TENM1: variants seen among roughly 807,000 people sequenced by gnomAD.
TENM1 encodes the protein teneurin transmembrane protein 1.
A neutral mutation model predicts 174.8 loss-of-function variants in TENM1; 35 were observed. The ratio of observed to expected loss-of-function variants is 0.20; its 90% confidence interval spans 0.15 to 0.27. The LOEUF (loss-of-function observed/expected upper bound fraction) is 0.27, where lower values mean the gene tolerates loss of function less well. Among genes scored for constraint, TENM1 ranks in the 10% least tolerant of loss-of-function variants. The pLI is 1.00. For synonymous variants in TENM1, 781 were observed against 798.7 expected (o/e 0.98, Z 0.37); for missense variants, 1,633 against 2,130.1 (o/e 0.77, Z 4.59).
chrX:124,913,288 C>G (rs184519980), intron 1 of TENM1, among the ~76,000 whole-genome samples: 82 of 111,687 alleles, frequency 7.3e-4, no homozygotes, highest in Non-Finnish European at 1.4e-3. Flanking sequence ...TATCCTAGTT[C>G]TCCTAGTAAG....
chrX:124,540,545 A>C (rs141543930), intron 15 of TENM1, among the ~76,000 whole-genome samples: 1,507 of 111,655 alleles, frequency 0.013, 24 homozygotes, highest in African/African-American at 0.047. Context: ...TGGGTCAATA[A>C]TTTGTTTTGC....
chrX:124,676,619 C>T (rs1385671463), intron 5 of TENM1, among the ~76,000 whole-genome samples: 1 of 107,747 alleles, frequency 9.3e-6, no homozygotes, highest in Admixed American at 1.0e-4. Flanking sequence ...TCTTGGCTCT[C>T]CTCAATTCCA....
chrX:124,629,661 C>T (rs746662809), intron 11 of TENM1, among the ~76,000 whole-genome samples: 1 of 112,202 alleles, frequency 8.9e-6, no homozygotes, highest in East Asian at 2.8e-4. Context: ...CTCAGAGAAT[C>T]CAAGCAACTT....
chrX:124,942,086 A>C (rs2058336787), intron 1 of TENM1, among the ~76,000 whole-genome samples: 1 of 111,780 alleles, frequency 8.9e-6, no homozygotes, highest in Non-Finnish European at 1.9e-5. Context: ...CTACAATTCA[A>C]GATGAGATTT....
At chrX:125,057,689 A>G in the TENM1 span, among the ~76,000 whole-genome samples, 1 of 111,693 alleles carries the variant, frequency 9.0e-6, no homozygotes, top group Non-Finnish European at 1.9e-5. Flanking sequence ...TATATTGAGT[A>G]AAGTGAGAAA....
intron 3 of TENM1, among the ~76,000 whole-genome samples, chrX:124,852,815 TGAAGA>T (rs1474013230): frequency 9.0e-6 from 1 of 111,155 alleles, no homozygotes; most frequent in African/African-American, 3.3e-5. Flanking sequence ...AAGGGTGGAA[TGAAGA>T]GAAAACATCA....
chrX:124,750,091 G>A (rs1161093932), intron 3 of TENM1, among the ~76,000 whole-genome samples: 1 of 111,940 alleles, frequency 8.9e-6, no homozygotes, highest in Non-Finnish European at 1.9e-5. Context: ...TGCTGCTACT[G>A]CTACAACTAT....
chrX:124,878,045 T>A lies in TENM1; in HGVS notation c.535+16251A>T, dbSNP rs183449026. Among the ~76,000 whole-genome samples the A allele has an allele frequency of 1.3e-4, 15 of 111,418 alleles. No individual in the cohort carries two copies. In the East Asian group the frequency reaches 4.2e-3, roughly 31 times the overall value. On this transcript the variant is annotated intron_variant, in intron 3 of 31. Coordinates refer to ENST00000422452, the Ensembl canonical transcript of TENM1. ...GCTGAGGAGAAAGAGGAGGAACTGA[T>A]CTTGCTGTCTCAGGGATGGCCAAGG...
At chrX:124,417,726 C>A (rs748720992) in intron 25 of TENM1, among the ~76,000 whole-genome samples, 2 of 111,518 alleles carry the variant, frequency 1.8e-5, no homozygotes, top group East Asian at 5.6e-4. Flanking sequence ...CACTTAGATG[C>A]CTAACTAAAT....
intron 18 of TENM1, among the ~76,000 whole-genome samples, chrX:124,509,586 C>T (rs769298790): frequency 5.2e-4 from 58 of 111,084 alleles, no homozygotes; most frequent in African/African-American, 1.8e-3. Flanking sequence ...AGCAAACCTT[C>T]GCCAAGCTGC....
intron 29 of TENM1, 86 bp from the exon 33 acceptor site, chrX:124,384,940 T>A: frequency 1.1e-6 from 1 of 876,954 alleles, no homozygotes; most frequent in Non-Finnish European, 1.6e-6. Flanking sequence ...TATTTAGTAC[T>A]GGTGCTTTTA....
At chrX:125,095,506 C>A in the TENM1 span, among the ~76,000 whole-genome samples, 1 of 111,696 alleles carries the variant, frequency 9.0e-6, no homozygotes, top group African/African-American at 3.3e-5. Flanking sequence ...TAATACACAT[C>A]TTTTAAGTTA....
At chrX:124,922,544 A>G (rs918207698) in intron 1 of TENM1, among the ~76,000 whole-genome samples, 6 of 110,605 alleles carry the variant, frequency 5.4e-5, no homozygotes, top group African/African-American at 1.6e-4. Context: ...CTGAGTTGAA[A>G]GATTTTTTTC....
At chrX:125,024,458 C>T in the TENM1 span, among the ~76,000 whole-genome samples, 12 of 110,609 alleles carry the variant, frequency 1.1e-4, no homozygotes, top group South Asian at 2.7e-3. Context: ...GCAACATGGA[C>T]GGAACTGGAT....
chrX:124,392,209 C>T (rs1210952146), exon 28 of TENM1: 1 of 1,211,477 alleles, frequency 8.3e-7, no homozygotes, highest in East Asian at 3.0e-5. Flanking sequence ...TTCATTATAT[C>T]TGCTTACAGG....
At chrX:124,617,461 G>A (rs1185063452) in intron 11 of TENM1, among the ~76,000 whole-genome samples, 1 of 112,012 alleles carries the variant, frequency 8.9e-6, no homozygotes, top group Non-Finnish European at 1.9e-5. Flanking sequence ...GGGCAGGGAA[G>A]AGGTAATATT....
At chrX:125,137,020 G>C in the TENM1 span, among the ~76,000 whole-genome samples, 9 of 111,175 alleles carry the variant, frequency 8.1e-5, no homozygotes, top group Non-Finnish European at 1.5e-4. Flanking sequence ...AGACAGACCC[G>C]AGTTCATAAT....
chrX:124,607,604 G>C (rs765212152), intron 11 of TENM1, among the ~76,000 whole-genome samples: 1 of 111,548 alleles, frequency 9.0e-6, no homozygotes, highest in East Asian at 2.8e-4. Context: ...AGAGGTCACA[G>C]AGGTGGGAGA....
the TENM1 span, among the ~76,000 whole-genome samples, chrX:125,177,877 C>G: frequency 8.9e-5 from 10 of 111,747 alleles, no homozygotes; most frequent in African/African-American, 3.2e-4. Flanking sequence ...TAGCAAAACC[C>G]CAAGGTTTTG....
Sources: allele counts gnomAD v4.1 joint callset (sites outside exome capture counted in the v4.1 genomes callset), GRCh38; gene constraint gnomAD v4.1.1; transcripts MANE v1.5; gene names NCBI Gene and HGNC (gene_info 2026-07-23, HGNC 2026-07-21).